PDE4D: variants seen among roughly 807,000 people sequenced by gnomAD.
The protein encoded by PDE4D is 3',5'-cyclic-AMP phosphodiesterase 4D.
PDE4D carries 24 observed loss-of-function variants against 87.4 expected under a neutral mutation model. That is an observed-to-expected ratio of 0.27 (90% CI 0.20 to 0.39). The LOEUF is 0.39. Ranked by LOEUF, PDE4D falls within the 10% of genes least tolerant of loss-of-function variation. PDE4D has a pLI of 1.00. For missense variants in PDE4D, 714 were observed against 1,041.0 expected (o/e 0.69, Z 4.32); for synonymous variants, 384 against 383.2 (o/e 1.00, Z -0.02).
At chr5:59,100,923 G>A (rs1013819722) in intron 5 of PDE4D, among the ~76,000 whole-genome samples, 1 of 152,178 alleles carries the variant, frequency 6.6e-6, no homozygotes, top group Non-Finnish European at 1.5e-5. Flanking sequence ...CTAAAGCAGA[G>A]TCGTGCTTCT....
intron 1 of PDE4D, among the ~76,000 whole-genome samples, chr5:59,658,622 C>G (rs1744759149): frequency 6.6e-6 from 1 of 152,142 alleles, no homozygotes; most frequent in Admixed American, 6.5e-5. Context: ...ACCTGGTGAT[C>G]CGCCTGCCTC....
intron 1 of PDE4D, among the ~76,000 whole-genome samples, chr5:59,280,139 C>T (rs1278056335): frequency 6.6e-6 from 1 of 151,876 alleles, no homozygotes; most frequent in Non-Finnish European, 1.5e-5. Flanking sequence ...AGTTTGTTAG[C>T]CATAAAATAT....
chr5:59,333,865 A>G (rs1430552730), intron 1 of PDE4D, among the ~76,000 whole-genome samples: 1 of 151,932 alleles, frequency 6.6e-6, no homozygotes, highest in Non-Finnish European at 1.5e-5. Context: ...ATATCTTGAA[A>G]CCCAGGTCAG....
intron 5 of PDE4D, among the ~76,000 whole-genome samples, chr5:59,103,913 G>A (rs1168935492): frequency 6.6e-6 from 1 of 152,176 alleles, no homozygotes; most frequent in Non-Finnish European, 1.5e-5. Context: ...TCTAGACTTG[G>A]ATCTGCCACT....
At chr5:59,360,589 TA>T (rs1431641045) in intron 1 of PDE4D, among the ~76,000 whole-genome samples, 3 of 152,156 alleles carry the variant, frequency 2.0e-5, no homozygotes, top group African/African-American at 7.2e-5. Flanking sequence ...CAAGTAAATG[TA>T]AAAAATGATT....
intron 1 of PDE4D, among the ~76,000 whole-genome samples, chr5:60,337,384 T>TATAC (rs1757891102): frequency 1.0e-5 from 1 of 100,342 alleles, no homozygotes; most frequent in Non-Finnish European, 2.0e-5. Flanking sequence ...TATATATATA[T>TATAC]ATATACACAC....
chr5:59,786,135 A>G (rs2152636629), intron 1 of PDE4D, among the ~76,000 whole-genome samples: 1 of 152,248 alleles, frequency 6.6e-6, no homozygotes, highest in Admixed American at 6.5e-5. Context: ...AGCCTTTAGA[A>G]AATTGCATAC....
At position 59,298,474 on chromosome 5, in the gene PDE4D, G is replaced by C. The variant is rs115929228; in HGVS notation, c.456-82506C>G. 1.7e-3 allele frequency among the ~76,000 whole-genome samples: 256 copies of C among 152,148 alleles called. 1 individual carries two copies. Among genetic ancestry groups the C allele is most frequent in the African/African-American group, 5.6e-3 (232 of 41,504 alleles). The stretch of plus-strand genomic sequence containing the variant: ...GGATTCCAGGCCTCTCTTTTGGCCT[G>C]GTTGCTGAAACAATTTAGGAGAATT... On this transcript the variant is annotated intron_variant, in intron 1 of 14. Coordinates refer to ENST00000340635, the MANE Select transcript of PDE4D (RefSeq NM_001104631.2).
intron 2 of PDE4D, among the ~76,000 whole-genome samples, chr5:60,005,827 G>GTT (rs56682285): frequency 2.9e-4 from 44 of 151,620 alleles, no homozygotes; most frequent in African/African-American, 9.7e-4. Context: ...GTATGACCCA[G>GTT]TTTTTTTAAA....
At chr5:60,309,002 C>T (rs1754756976) in intron 1 of PDE4D, among the ~76,000 whole-genome samples, 1 of 151,866 alleles carries the variant, frequency 6.6e-6, no homozygotes, top group Non-Finnish European at 1.5e-5. Flanking sequence ...CTATGTTTGC[C>T]TTCATATATA....
chr5:60,465,078 C>A (rs1747242488), intron 1 of PDE4D, among the ~76,000 whole-genome samples: 1 of 151,948 alleles, frequency 6.6e-6, no homozygotes, highest in African/African-American at 2.4e-5. Flanking sequence ...CACTGCACTC[C>A]AGCCTAAGTG....
In PDE4D at chr5:59,104,796, C is replaced by T. The variant is rs573127553; in HGVS notation, c.809-65825G>A. Among the ~76,000 whole-genome samples the T allele has an allele frequency of 2.0e-5, 3 of 152,094 alleles. No homozygotes were observed. In the East Asian group the frequency reaches 5.8e-4, roughly 29 times the overall value. ...GGCAGAAAATGTCCTGGAGCTAAGG[C>T]CTATGGCATTTGAAGGATGATGTGA... On this transcript the variant is annotated intron_variant, in intron 5 of 14. Coordinates refer to ENST00000340635, the MANE Select transcript of PDE4D (RefSeq NM_001104631.2).
intron 5 of PDE4D, among the ~76,000 whole-genome samples, chr5:59,117,659 C>T (rs914148760): frequency 2.0e-5 from 3 of 152,072 alleles, no homozygotes; most frequent in Non-Finnish European, 2.9e-5. Context: ...ATCGCTGTTG[C>T]AGGAATATGC....
rs1273889679 is a variant in PDE4D, at chr5:59,539,377, C to A, written c.456-323409G>T. The stretch of plus-strand genomic sequence containing the variant: ...CCTCCCTGCAATACAGTTTCACCCA[C>A]CCTACCCCCCAAAAAATTCTAATCA... On this transcript the variant is annotated intron_variant, in intron 1 of 14. Coordinates refer to ENST00000340635, the MANE Select transcript of PDE4D (RefSeq NM_001104631.2). Among the ~76,000 whole-genome samples the A allele has an allele frequency of 2.0e-5, 3 of 152,224 alleles. No individual in the cohort carries two copies. In the East Asian group the frequency reaches 5.8e-4, roughly 29 times the overall value.
At chr5:59,539,572 A>G (rs1210624509) in intron 1 of PDE4D, among the ~76,000 whole-genome samples, 2 of 151,798 alleles carry the variant, frequency 1.3e-5, no homozygotes, top group Non-Finnish European at 2.9e-5. Context: ...AACTTGATGA[A>G]GAAGCCAATT....
At chr5:59,817,757 C>A (rs1371220003) in intron 1 of PDE4D, among the ~76,000 whole-genome samples, 1 of 149,340 alleles carries the variant, frequency 6.7e-6, no homozygotes, top group East Asian at 2.0e-4. Flanking sequence ...CCCCCACACA[C>A]ACACAGAAAG....
intron 5 of PDE4D, among the ~76,000 whole-genome samples, chr5:59,118,384 T>G (rs1363132365): frequency 6.6e-6 from 1 of 152,204 alleles, no homozygotes; most frequent in African/African-American, 2.4e-5. Context: ...GCTGCTTAAG[T>G]GTTATTTTTT....
intron 1 of PDE4D, among the ~76,000 whole-genome samples, chr5:60,510,120 G>T (rs1473036306): frequency 6.6e-6 from 1 of 152,168 alleles, no homozygotes; most frequent in African/African-American, 2.4e-5. Context: ...ACAATAAATG[G>T]CTCTGCAGGA....
intron 1 of PDE4D, among the ~76,000 whole-genome samples, chr5:59,283,668 C>T (rs1449601911): frequency 1.3e-5 from 2 of 152,086 alleles, no homozygotes; most frequent in Non-Finnish European, 2.9e-5. Flanking sequence ...CACCTTTCTC[C>T]CACTTCCCTG....
Sources: gnomAD v4.1 joint callset for allele counts (sites outside exome capture counted in the v4.1 genomes callset) on GRCh38, gnomAD v4.1.1 for gene constraint, MANE v1.5 for transcripts, NCBI Gene and HGNC (gene_info 2026-07-23, HGNC 2026-07-21) for gene names.